STAC: variants seen among roughly 807,000 people sequenced by gnomAD.
STAC encodes SH3 and cysteine rich domain.
Under a neutral mutation model 48.8 loss-of-function variants are expected in STAC, and 43 were observed. That is an observed-to-expected ratio of 0.88 (90% CI 0.69 to 1.14). The LOEUF (loss-of-function observed/expected upper bound fraction) is 1.14, where lower values mean the gene tolerates loss of function less well. Ranked by LOEUF, STAC falls within the 50% of genes most tolerant of loss-of-function variation. The pLI is 0.00. For synonymous variants in STAC, 193 were observed against 179.5 expected, an observed-to-expected ratio of 1.07 and a Z score of -0.60; for missense variants, 497 against 504.0, an observed-to-expected ratio of 0.99 and a Z score of 0.13.
intron 1 of STAC, among the ~76,000 whole-genome samples, chr3:36,422,982 T>C (rs971635704): frequency 2.0e-5 from 3 of 152,108 alleles, no homozygotes; most frequent in African/African-American, 7.2e-5. Flanking sequence ...AGATATTTAT[T>C]CCTCTCTCAC....
At chr3:36,391,794 CAT>C (rs1339949422) in intron 1 of STAC, among the ~76,000 whole-genome samples, 1 of 152,144 alleles carries the variant, frequency 6.6e-6, no homozygotes. Context: ...GAAAATGAAA[CAT>C]ATACCTGTTG....
chr3:36,520,047 G>C (rs1167358151), intron 8 of STAC, among the ~76,000 whole-genome samples: 1 of 152,000 alleles, frequency 6.6e-6, no homozygotes, highest in East Asian at 1.9e-4. Context: ...AATCTGAAAG[G>C]ATATGCCAGA....
chr3:36,449,412 G>A (rs1696620036), intron 2 of STAC, among the ~76,000 whole-genome samples: 1 of 152,114 alleles, frequency 6.6e-6, no homozygotes, highest in South Asian at 2.1e-4. Context: ...ATAATTCAGA[G>A]AGAATTTCTA....
At chr3:36,454,135 A>G (rs973493098) in intron 2 of STAC, among the ~76,000 whole-genome samples, 51 of 152,296 alleles carry the variant, frequency 3.3e-4, no homozygotes, top group African/African-American at 1.2e-3. Context: ...AGCCAGCAGT[A>G]GCAACCCGCT....
At chr3:36,541,586 A>G (rs1699327954) in intron 10 of STAC, among the ~76,000 whole-genome samples, 1 of 152,208 alleles carries the variant, frequency 6.6e-6, no homozygotes, top group African/African-American at 2.4e-5. Flanking sequence ...CAAAGATGGA[A>G]CACTGAATGT....
chr3:36,463,096 T>C (rs1438369297), intron 2 of STAC, among the ~76,000 whole-genome samples: 1 of 152,200 alleles, frequency 6.6e-6, no homozygotes, highest in Admixed American at 6.5e-5. Context: ...TTTACACTTA[T>C]AAGTAAGATT....
In STAC at chr3:36,546,289, A is replaced by G; in HGVS notation, c.1209A>G (p.Ter403TrpextTer46). The change falls in exon 11 of 11, where the codon TGA becomes TGG. Residue 403 changes from the stop codon to tryptophan (W), a stop_lost. Transcript: ENST00000273183. ...LIPLDVLENI[*>W] ...CCCTTGATGTACTAGAAAACATCTG[A>G]TTGCTGGCTCCTCCTCCGTTTGCAG... The G allele has an allele frequency of 6.2e-7, 1 of 1,613,522 alleles. No homozygotes were observed. The highest frequency in any genetic ancestry group is 2.2e-5 in the East Asian group (1 of 44,830).
At chr3:36,459,447 T>A (rs1383817028) in intron 2 of STAC, 1 of 152,166 alleles carries the variant, frequency 6.6e-6, no homozygotes, top group African/African-American at 2.4e-5. Context: ...AGCAGCAATA[T>A]CCTGTTGTGT....
At chr3:36,523,687 C>T (rs954348614) in intron 8 of STAC, among the ~76,000 whole-genome samples, 1 of 152,156 alleles carries the variant, frequency 6.6e-6, no homozygotes, top group African/African-American at 2.4e-5. Context: ...ATGGAAAGGG[C>T]CTGACAGCCA....
intron 1 of STAC, among the ~76,000 whole-genome samples, chr3:36,415,372 C>A (rs1051433431): frequency 6.6e-6 from 1 of 152,198 alleles, no homozygotes; most frequent in Non-Finnish European, 1.5e-5. Context: ...CAATGGCAGG[C>A]GCCCCTCCCC....
At chr3:36,503,422 T>C (rs1698324454) in intron 6 of STAC, among the ~76,000 whole-genome samples, 2 of 152,076 alleles carry the variant, frequency 1.3e-5, no homozygotes, top group Non-Finnish European at 2.9e-5. Context: ...TATTGTTTTT[T>C]GTTTTTTTGT....
At chr3:36,546,167 T>G (rs373848298) in intron 10 of STAC, 24 bp from the exon 11 acceptor site, 4 of 1,601,002 alleles carry the variant, frequency 2.5e-6, no homozygotes, top group Non-Finnish European at 3.4e-6. Flanking sequence ...AAGTATTTTG[T>G]TTTTTTTCTT....
chr3:36,408,117 A>C (rs1188830531), intron 1 of STAC, among the ~76,000 whole-genome samples: 2 of 152,210 alleles, frequency 1.3e-5, no homozygotes, highest in Non-Finnish European at 2.9e-5. Flanking sequence ...CCAGTCAGCC[A>C]GGGTGGACTC....
chr3:36,488,670 G>A (rs1395145801), intron 5 of STAC, among the ~76,000 whole-genome samples: 1 of 152,038 alleles, frequency 6.6e-6, no homozygotes, highest in Non-Finnish European at 1.5e-5. Flanking sequence ...CGAGTGATTA[G>A]GTCCTATAAT....
At chr3:36,529,017 T>C (rs778365806) in intron 10 of STAC, 32 bp downstream of exon 10, 2 of 1,563,844 alleles carry the variant, frequency 1.3e-6, no homozygotes, top group African/African-American at 1.4e-5. Context: ...ATTCCAGATA[T>C]GAGCCAAATA....
At chr3:36,394,880 C>CAAA (rs144495707) in intron 1 of STAC, among the ~76,000 whole-genome samples, 1 of 126,518 alleles carries the variant, frequency 7.9e-6, no homozygotes. Flanking sequence ...AAAATTCTGT[C>CAAA]AAAAAAAAAA....
chr3:36,477,360 A>G (rs1697520169), intron 2 of STAC, among the ~76,000 whole-genome samples: 1 of 152,136 alleles, frequency 6.6e-6, no homozygotes, highest in Non-Finnish European at 1.5e-5. Context: ...ATCCTGTTTT[A>G]TCTTTAACTC....
At chr3:36,398,292 TAAAA>T (rs762378201) in intron 1 of STAC, among the ~76,000 whole-genome samples, 2 of 80,528 alleles carry the variant, frequency 2.5e-5, no homozygotes, top group Non-Finnish European at 5.0e-5. Context: ...GAAGGTATGT[TAAAA>T]AAGAAAGAAA....
chr3:36,523,259 A>G (rs576046107), intron 8 of STAC, among the ~76,000 whole-genome samples: 1 of 152,350 alleles, frequency 6.6e-6, no homozygotes, highest in South Asian at 2.1e-4. Context: ...ATAAATCATT[A>G]TATAACTAAC....
Sources: allele counts gnomAD v4.1 joint callset (sites outside exome capture counted in the v4.1 genomes callset), GRCh38; gene constraint gnomAD v4.1.1; transcripts MANE v1.5; gene names NCBI Gene and HGNC (gene_info 2026-07-23, HGNC 2026-07-21).